Variants in CLYBL observed in about 807,000 individuals in gnomAD.
CLYBL encodes citramalyl-CoA lyase, mitochondrial.
In CLYBL, 31 loss-of-function variants were observed where a neutral mutation model predicts 38.9. That is an observed-to-expected ratio of 0.80 (90% CI 0.60 to 1.08). The LOEUF (loss-of-function observed/expected upper bound fraction) is 1.08, where lower values mean the gene tolerates loss of function less well. CLYBL is among the 50% of genes least tolerant of loss of function. The probability of loss-of-function intolerance (pLI) is 0.00; values close to 1 mark genes in which losing one functional copy is unlikely to be tolerated. For synonymous variants in CLYBL, 171 were observed against 158.6 expected (o/e 1.08, Z -0.59); for missense variants, 434 against 411.6 (o/e 1.05, Z -0.47).
chr13:99,869,900 G>A lies in CLYBL; in HGVS notation c.803-1038G>A, dbSNP rs911494084. ...CCAATTATGTTCATAACTTTATCAC[G>A]TAACAATATAATCTCATCATTATTA... On this transcript the variant is annotated intron_variant, in intron 6 of 8. Transcript: ENST00000339105. The surrounding 1 kb of genome is among the most constrained non-coding windows in gnomAD (Gnocchi z 4.3). Among the ~76,000 whole-genome samples, 4 of 151,832 alleles carry A rather than the reference G, an allele frequency of 2.6e-5. No homozygotes were observed. The highest frequency in any genetic ancestry group is 9.7e-5 in the African/African-American group (4 of 41,336).
intron 6 of CLYBL, among the ~76,000 whole-genome samples, chr13:99,870,472 T>C (rs189575847): frequency 6.6e-5 from 10 of 152,318 alleles, no homozygotes; most frequent in Non-Finnish European, 1.5e-5. Context: ...AGCAGACCAT[T>C]TCTAAGAGAA....
chr13:99,859,853 G>A (rs9557318), intron 3 of CLYBL, among the ~76,000 whole-genome samples: 19,037 of 152,072 alleles, frequency 0.13, 1,747 homozygotes, highest in East Asian at 0.42. Context: ...TGTTGTTCTG[G>A]GACAGAAAAT....
At chr13:99,818,436 T>C (rs2050503660) in intron 2 of CLYBL, among the ~76,000 whole-genome samples, 1 of 128,586 alleles carries the variant, frequency 7.8e-6, no homozygotes, top group African/African-American at 3.3e-5. Flanking sequence ...GAAGATCACA[T>C]GGAGCAGAAA....
chr13:99,888,201 G>A (rs1159073423), intron 7 of CLYBL, among the ~76,000 whole-genome samples: 2 of 152,166 alleles, frequency 1.3e-5, no homozygotes, highest in East Asian at 3.9e-4. Context: ...GAGATCTGTA[G>A]CACAATGTAC....
At chr13:99,711,403 C>CTTTTTTTT (rs71215540) in intron 1 of CLYBL, among the ~76,000 whole-genome samples, 1 of 83,190 alleles carries the variant, frequency 1.2e-5, no homozygotes, top group Non-Finnish European at 2.1e-5. Flanking sequence ...GGGAGTCCGT[C>CTTTTTTTT]TTTTTTTTTT....
intron 1 of CLYBL, among the ~76,000 whole-genome samples, chr13:99,723,856 C>T (rs1361143338): frequency 6.6e-6 from 1 of 152,164 alleles, no homozygotes; most frequent in Non-Finnish European, 1.5e-5. Flanking sequence ...TTACAGGTTT[C>T]AGTGATCTTT....
At chr13:99,620,064 C>T (rs751090399) in intron 1 of CLYBL, among the ~76,000 whole-genome samples, 7 of 152,170 alleles carry the variant, frequency 4.6e-5, no homozygotes, top group Non-Finnish European at 1.0e-4. Context: ...CATGGTGTCT[C>T]TGCCTGCAGC....
chr13:99,784,741 A>G (rs944989258), intron 2 of CLYBL, among the ~76,000 whole-genome samples: 3 of 152,130 alleles, frequency 2.0e-5, no homozygotes, highest in Admixed American at 6.6e-5. Context: ...GGCGTAGGCC[A>G]CCGTGCCCAG....
At chr13:99,697,867 C>T (rs903372204) in intron 1 of CLYBL, among the ~76,000 whole-genome samples, 5 of 152,026 alleles carry the variant, frequency 3.3e-5, no homozygotes, top group Admixed American at 1.3e-4. Context: ...AGGCTGGTCT[C>T]GAACTCCTGA....
intron 2 of CLYBL, among the ~76,000 whole-genome samples, chr13:99,817,816 A>G (rs191970012): frequency 8.6e-5 from 13 of 151,836 alleles, no homozygotes; most frequent in African/African-American, 2.7e-4. Context: ...CAGTCTCAGC[A>G]ACATGGTGAA....
intron 1 of CLYBL, among the ~76,000 whole-genome samples, chr13:99,698,247 A>G (rs1384300286): frequency 1.3e-5 from 2 of 151,808 alleles, no homozygotes; most frequent in Non-Finnish European, 2.9e-5. Context: ...TGCAGAGTTC[A>G]GTGGCACAAT....
At chr13:99,822,395 A>G (rs1283471841) in intron 2 of CLYBL, among the ~76,000 whole-genome samples, 1 of 152,224 alleles carries the variant, frequency 6.6e-6, no homozygotes, top group African/African-American at 2.4e-5. Context: ...AAGAAGTCAA[A>G]GAAATGGTTC....
intron 1 of CLYBL, among the ~76,000 whole-genome samples, chr13:99,664,775 G>C (rs1304775666): frequency 6.6e-6 from 1 of 152,096 alleles, no homozygotes; most frequent in Non-Finnish European, 1.5e-5. Context: ...GATTCCACAT[G>C]ATCTCTATAA....
chr13:99,674,691 G>C (rs1375081374), intron 1 of CLYBL, among the ~76,000 whole-genome samples: 4 of 152,116 alleles, frequency 2.6e-5, no homozygotes, highest in Non-Finnish European at 5.9e-5. Flanking sequence ...CAACATTAAG[G>C]GATGCGTAAG....
intron 1 of CLYBL, among the ~76,000 whole-genome samples, chr13:99,742,674 C>T (rs1289676766): frequency 6.6e-6 from 1 of 152,202 alleles, no homozygotes; most frequent in Non-Finnish European, 1.5e-5. Flanking sequence ...TTACAAGTAA[C>T]TGTGGAATTA....
At chr13:99,705,510 G>A (rs1163281045) in intron 1 of CLYBL, among the ~76,000 whole-genome samples, 1 of 152,042 alleles carries the variant, frequency 6.6e-6, no homozygotes, top group Non-Finnish European at 1.5e-5. Context: ...GACCTGGAAG[G>A]TGGAGGTTGC....
intron 7 of CLYBL, among the ~76,000 whole-genome samples, chr13:99,888,661 G>A (rs1816287657): frequency 6.6e-6 from 1 of 152,124 alleles, no homozygotes; most frequent in Non-Finnish European, 1.5e-5. Flanking sequence ...GCTGAGGCAG[G>A]AGAATCGAAC....
intron 2 of CLYBL, among the ~76,000 whole-genome samples, chr13:99,854,901 T>A (rs1594225013): frequency 6.6e-6 from 1 of 152,094 alleles, no homozygotes; most frequent in East Asian, 1.9e-4. Context: ...AAGGACAAGT[T>A]TATTAGCCAC....
At chr13:99,701,971 A>C (rs1025825562) in intron 1 of CLYBL, among the ~76,000 whole-genome samples, 3 of 152,188 alleles carry the variant, frequency 2.0e-5, no homozygotes, top group Non-Finnish European at 4.4e-5. Context: ...AAAGGAGTGA[A>C]GTGATACCCC....
Sources: gnomAD v4.1 joint callset for allele counts (sites outside exome capture counted in the v4.1 genomes callset) on GRCh38, gnomAD v4.1.1 for gene constraint, Gnocchi (gnomAD v3.1) non-coding constraint, MANE v1.5 for transcripts, NCBI Gene and HGNC (gene_info 2026-07-23, HGNC 2026-07-21) for gene names.